Variants in TLN2 observed in about 807,000 individuals in gnomAD.
TLN2 encodes talin-2.
A neutral mutation model predicts 294.7 loss-of-function variants in TLN2; 118 were observed. The observed-to-expected ratio is 0.40, with a 90% confidence interval of 0.34 to 0.47. The LOEUF (loss-of-function observed/expected upper bound fraction) is 0.47, where lower values mean the gene tolerates loss of function less well. TLN2 is among the 20% of genes least tolerant of loss of function. The pLI, the probability that TLN2 is intolerant of heterozygous loss-of-function variation, is 0.84. For synonymous variants in TLN2, 1,431 were observed against 1,304.5 expected (o/e 1.10, Z -2.09); for missense variants, 3,083 against 3,282.2 (o/e 0.94, Z 1.48).
chr15:62,720,783 A>G (rs1555487862), intron 25 of TLN2, among the ~76,000 whole-genome samples: 2 of 152,032 alleles, frequency 1.3e-5, no homozygotes, highest in East Asian at 1.9e-4. Flanking sequence ...TTATATGACT[A>G]TACTCTTCAT....
At chr15:62,455,065 A>G (rs113359485) in intron 1 of TLN2, among the ~76,000 whole-genome samples, 99 of 152,236 alleles carry the variant, frequency 6.5e-4, no homozygotes, top group African/African-American at 2.3e-3. Flanking sequence ...AGCACAAGGA[A>G]TTTGAGCAAA....
chr15:62,724,402 G>A (rs538981077), intron 26 of TLN2, among the ~76,000 whole-genome samples: 1 of 152,288 alleles, frequency 6.6e-6, no homozygotes, highest in East Asian at 1.9e-4. Flanking sequence ...TGTGTATATT[G>A]AGGGATGTTA....
intron 3 of TLN2, among the ~76,000 whole-genome samples, chr15:62,642,515 C>T (rs902948117): frequency 2.0e-5 from 3 of 152,174 alleles, no homozygotes; most frequent in Admixed American, 1.3e-4. Context: ...TCACAGTGGA[C>T]AAGGAGCATA....
chr15:62,569,118 C>T (rs1567114972), intron 1 of TLN2, among the ~76,000 whole-genome samples: 2 of 152,200 alleles, frequency 1.3e-5, no homozygotes, highest in Admixed American at 1.3e-4. Flanking sequence ...TTCATACAGT[C>T]TGCCTGTTCT....
At chr15:62,778,478 TC>T in intron 43 of TLN2, among the ~76,000 whole-genome samples, 1 of 152,374 alleles carries the variant, frequency 6.6e-6, no homozygotes, top group Admixed American at 6.5e-5. Flanking sequence ...ATAATCTTTT[TC>T]TTCTTGGGAG....
intron 1 of TLN2, among the ~76,000 whole-genome samples, chr15:62,475,941 A>G (rs1012200185): frequency 1.3e-5 from 2 of 152,202 alleles, no homozygotes; most frequent in African/African-American, 4.8e-5. Context: ...CTGCAATTCT[A>G]TTCCTGGCCT....
intron 42 of TLN2, 89 bp downstream of exon 42, chr15:62,771,223 C>T: frequency 7.3e-7 from 1 of 1,365,636 alleles, no homozygotes; most frequent in Non-Finnish European, 9.6e-7. Context: ...GGAGAAAACA[C>T]TTCCAGTTCT....
chr15:62,630,420 C>G (rs528286756), intron 3 of TLN2, among the ~76,000 whole-genome samples: 2 of 152,246 alleles, frequency 1.3e-5, no homozygotes, highest in South Asian at 4.2e-4. Context: ...TTAAATACAT[C>G]CCACTCTGTT....
chr15:62,547,208 C>T (rs895206232), intron 1 of TLN2, among the ~76,000 whole-genome samples: 4 of 152,200 alleles, frequency 2.6e-5, no homozygotes, highest in Non-Finnish European at 4.4e-5. Flanking sequence ...TTTCATTTCT[C>T]TACTTTGTTG....
At chr15:62,479,472 T>G (rs930468289) in intron 1 of TLN2, among the ~76,000 whole-genome samples, 16 of 152,148 alleles carry the variant, frequency 1.1e-4, no homozygotes, top group Non-Finnish European at 1.8e-4. Flanking sequence ...CAGACTTCTT[T>G]GTCTTTATTT....
At chr15:62,460,260 G>GT (rs570067801) in intron 1 of TLN2, among the ~76,000 whole-genome samples, 21,539 of 139,200 alleles carry the variant, frequency 0.15, 1,710 homozygotes, top group African/African-American at 0.19. Flanking sequence ...TAGCCACATG[G>GT]TTTTTTTTTT....
chr15:62,592,784 C>T (rs1269521742), intron 2 of TLN2, among the ~76,000 whole-genome samples: 1 of 152,110 alleles, frequency 6.6e-6, no homozygotes, highest in Non-Finnish European at 1.5e-5. Context: ...CCACGCTTTG[C>T]AGGAATAAAC....
At chr15:62,771,193 T>G in intron 42 of TLN2, 59 bp downstream of exon 42, 1 of 1,485,430 alleles carries the variant, frequency 6.7e-7, no homozygotes, top group Non-Finnish European at 9.0e-7. Context: ...CATGCATTCC[T>G]GCTGTAATGT....
At chr15:62,588,665 CATATATATATATATATATATATAT>C (rs3055752) in intron 1 of TLN2, among the ~76,000 whole-genome samples, 95 of 71,444 alleles carry the variant, frequency 1.3e-3, no homozygotes, top group African/African-American at 2.9e-3. Flanking sequence ...ACATTTTTTT[CATATATATATATATATATATATAT>C]ATATATATAT....
chr15:62,572,881 C>T (rs763991332), intron 1 of TLN2, among the ~76,000 whole-genome samples: 9 of 152,208 alleles, frequency 5.9e-5, no homozygotes, highest in Admixed American at 1.3e-4. Flanking sequence ...CCTCCTGCTG[C>T]GCTCTTCCTG....
chr15:62,622,429 A>G (rs551165064), intron 3 of TLN2, among the ~76,000 whole-genome samples: 3 of 152,160 alleles, frequency 2.0e-5, no homozygotes, highest in Non-Finnish European at 4.4e-5. Context: ...CCAGCACCCA[A>G]TATCCATTCA....
At chr15:62,466,558 C>T (rs1310710334) in intron 1 of TLN2, among the ~76,000 whole-genome samples, 5 of 152,312 alleles carry the variant, frequency 3.3e-5, no homozygotes, top group South Asian at 2.1e-4. Context: ...TGTTGAGAAC[C>T]GTTGCTTTAG....
chr15:62,825,865 TATTTA>T (rs2068140565), intron 54 of TLN2, among the ~76,000 whole-genome samples: 1 of 96,522 alleles, frequency 1.0e-5, no homozygotes, highest in South Asian at 3.3e-4. Flanking sequence ...TATATATATA[TATTTA>T]TATATATATA....
chr15:62,726,037 G>A (rs2060421128), intron 27 of TLN2, among the ~76,000 whole-genome samples: 1 of 152,180 alleles, frequency 6.6e-6, no homozygotes, highest in South Asian at 2.1e-4. Context: ...AGGTCACCCA[G>A]TTAATGACAG....
Sources: allele counts gnomAD v4.1 joint callset (sites outside exome capture counted in the v4.1 genomes callset), GRCh38; gene constraint gnomAD v4.1.1; transcripts MANE v1.5; gene names NCBI Gene and HGNC (gene_info 2026-07-23, HGNC 2026-07-21).